Variants in PLXDC2 observed in about 807,000 individuals in gnomAD.
PLXDC2 encodes the protein plexin domain-containing protein 2.
PLXDC2 carries 40 observed loss-of-function variants against 68.9 expected under a neutral mutation model. The ratio of observed to expected loss-of-function variants is 0.58; its 90% confidence interval spans 0.45 to 0.76. The LOEUF (loss-of-function observed/expected upper bound fraction) is 0.76, where lower values mean the gene tolerates loss of function less well. PLXDC2 is among the 30% of genes least tolerant of loss of function. PLXDC2 has a pLI of 0.00. For missense variants in PLXDC2, 644 were observed against 661.9 expected (o/e 0.97, Z 0.30); for synonymous variants, 243 against 234.2 (o/e 1.04, Z -0.34).
At chr10:19,966,393 T>TAAAAATATATATGTGCACATATATA (rs11452500) in intron 1 of PLXDC2, among the ~76,000 whole-genome samples, 1 of 65,826 alleles carries the variant, frequency 1.5e-5, no homozygotes, top group African/African-American at 7.2e-5. Flanking sequence ...TGCACATATA[T>TAAAAATATATATGTGCACATATATA]AAAATATATA....
chr10:19,988,222 A>G (rs994760107), intron 1 of PLXDC2, among the ~76,000 whole-genome samples: 20 of 152,242 alleles, frequency 1.3e-4, no homozygotes, highest in African/African-American at 4.8e-4. Context: ...AAGGAAATAC[A>G]GAATTGGAAA....
At chr10:19,956,940 A>G (rs749977194) in intron 1 of PLXDC2, among the ~76,000 whole-genome samples, 1 of 152,192 alleles carries the variant, frequency 6.6e-6, no homozygotes, top group Non-Finnish European at 1.5e-5. Context: ...AAGAAGTGCT[A>G]CTGGGAACAA....
At chr10:19,904,294 A>G (rs1564624501) in intron 1 of PLXDC2, among the ~76,000 whole-genome samples, 1 of 151,926 alleles carries the variant, frequency 6.6e-6, no homozygotes, top group East Asian at 1.9e-4. Flanking sequence ...TACGTCCCCC[A>G]CTATTATTGT....
At chr10:19,981,875 A>G (rs1420659831) in intron 1 of PLXDC2, among the ~76,000 whole-genome samples, 3 of 152,210 alleles carry the variant, frequency 2.0e-5, no homozygotes, top group Admixed American at 6.5e-5. Context: ...GCCTTTCTGA[A>G]GATGAAGTGC....
chr10:20,168,549 C>G (rs768296501), intron 7 of PLXDC2, among the ~76,000 whole-genome samples: 1 of 152,110 alleles, frequency 6.6e-6, no homozygotes, highest in Non-Finnish European at 1.5e-5. Flanking sequence ...TTTTATGTCT[C>G]TTCATAAGAC....
chr10:20,089,062 C>A (rs1564311269), intron 4 of PLXDC2, among the ~76,000 whole-genome samples: 1 of 152,012 alleles, frequency 6.6e-6, no homozygotes, highest in East Asian at 1.9e-4. Flanking sequence ...AGAACCATAA[C>A]AAATACATGT....
chr10:19,921,066 T>C (rs888193231), intron 1 of PLXDC2, among the ~76,000 whole-genome samples: 18 of 151,918 alleles, frequency 1.2e-4, no homozygotes, highest in African/African-American at 4.3e-4. Context: ...CAGCTAGGAC[T>C]ATAGGTGTGC....
intron 1 of PLXDC2, among the ~76,000 whole-genome samples, chr10:19,924,113 A>G (rs1004497037): frequency 6.6e-6 from 1 of 152,184 alleles, no homozygotes; most frequent in South Asian, 2.1e-4. Flanking sequence ...CCTCCCAAAT[A>G]AAAAACTTTC....
intron 4 of PLXDC2, among the ~76,000 whole-genome samples, chr10:20,136,231 A>G (rs905428376): frequency 6.6e-6 from 1 of 152,224 alleles, no homozygotes; most frequent in Admixed American, 6.5e-5. Context: ...GAAGTCTGTT[A>G]TGTAAAACCT....
chr10:19,900,860 G>A (rs369074528), intron 1 of PLXDC2, among the ~76,000 whole-genome samples: 6 of 151,582 alleles, frequency 4.0e-5, no homozygotes, highest in East Asian at 3.9e-4. Flanking sequence ...ACGGTGTTTG[G>A]TTTTCCATTC....
chr10:20,176,390 A>ATATGTGTG (rs144613161), intron 7 of PLXDC2, among the ~76,000 whole-genome samples: 1 of 149,330 alleles, frequency 6.7e-6, no homozygotes, highest in African/African-American at 2.5e-5. Context: ...TCGCACAGTT[A>ATATGTGTG]TGTGTGTGTG....
intron 1 of PLXDC2, among the ~76,000 whole-genome samples, chr10:19,856,189 A>G (rs1837208427): frequency 1.3e-5 from 2 of 152,156 alleles, no homozygotes; most frequent in Non-Finnish European, 2.9e-5. Flanking sequence ...GTCAATTCAT[A>G]TATTTACTAA....
intron 9 of PLXDC2, among the ~76,000 whole-genome samples, chr10:20,209,019 G>A (rs1245394782): frequency 1.3e-5 from 2 of 152,108 alleles, no homozygotes; most frequent in African/African-American, 2.4e-5. Context: ...GCAAATGGAG[G>A]CAGGGTGAGA....
intron 1 of PLXDC2, among the ~76,000 whole-genome samples, chr10:19,980,017 A>G (rs1416099452): frequency 1.3e-5 from 2 of 152,238 alleles, no homozygotes; most frequent in African/African-American, 2.4e-5. Flanking sequence ...TTGAAGTAAT[A>G]TAAAAGCATC....
chr10:20,124,224 T>C (rs1050833508), intron 4 of PLXDC2, among the ~76,000 whole-genome samples: 2 of 152,114 alleles, frequency 1.3e-5, no homozygotes, highest in African/African-American at 4.8e-5. Flanking sequence ...CCTTGACCGG[T>C]GCCAGAGTTC....
At chr10:19,969,076 C>T (rs1164530026) in intron 1 of PLXDC2, among the ~76,000 whole-genome samples, 1 of 152,196 alleles carries the variant, frequency 6.6e-6, no homozygotes. Flanking sequence ...CAGTTGATCA[C>T]CTTTGACAAT....
Position 20,001,651 on chromosome 10 carries a change from A to T in PLXDC2, c.113-124A>T, listed in dbSNP as rs1233067428. 6 of 784,126 alleles carry T rather than the reference A, an allele frequency of 7.7e-6. No homozygotes were observed. The Admixed American group carries it at 1.6e-4, about 20-fold the overall frequency. 48.6% of individuals were successfully genotyped at this position (784,126 alleles called of 1,614,324 possible). A position where few individuals can be genotyped will look rare whatever the true frequency, so the allele number is the denominator to read the frequency against. ...AAGATATTGCAAGTAAACAGATTTA[A>T]CTGTTACAAGTTAGTTTCCTATTCT... is the stretch of plus-strand genomic sequence containing the variant. On this transcript the variant is annotated intron_variant, in intron 1 of 13. Coordinates refer to ENST00000377252, the MANE Select transcript of PLXDC2 (RefSeq NM_032812.9).
chr10:19,880,267 C>A (rs1589516189), intron 1 of PLXDC2, among the ~76,000 whole-genome samples: 1 of 152,280 alleles, frequency 6.6e-6, no homozygotes, highest in African/African-American at 2.4e-5. Context: ...TGCAGTAGTC[C>A]TCCCTAATCC....
intron 1 of PLXDC2, among the ~76,000 whole-genome samples, chr10:19,904,488 C>G (rs1414788517): frequency 2.0e-5 from 3 of 152,078 alleles, no homozygotes; most frequent in Non-Finnish European, 4.4e-5. Context: ...AACCCCTGCC[C>G]ACCCCCAGCA....
Sources: gnomAD v4.1 joint callset for allele counts (sites outside exome capture counted in the v4.1 genomes callset) on GRCh38, gnomAD v4.1.1 for gene constraint, MANE v1.5 for transcripts, NCBI Gene and HGNC (gene_info 2026-07-23, HGNC 2026-07-21) for gene names.